Variants in ANKRD30B observed in about 807,000 individuals in gnomAD.
ANKRD30B encodes the protein ankyrin repeat domain 30B.
ANKRD30B carries 144 observed loss-of-function variants against 202.2 expected under a neutral mutation model. The observed-to-expected ratio is 0.71, with a 90% CI of 0.62 to 0.82. ANKRD30B has a LOEUF of 0.82. Ranked by LOEUF, ANKRD30B falls within the 40% of genes least tolerant of loss-of-function variation. The pLI, the probability that ANKRD30B is intolerant of heterozygous loss-of-function variation, is 0.00. For missense variants in ANKRD30B, 1,487 were observed against 1,669.1 expected (o/e 0.89, Z 1.90); for synonymous variants, 508 against 561.3 (o/e 0.91, Z 1.34).
chr18:14,860,041 A>G, the ANKRD30B span, among the ~76,000 whole-genome samples: 42 of 91,262 alleles, frequency 4.6e-4, no homozygotes, highest in East Asian at 1.3e-3. Context: ...CAACCCAGAC[A>G]GGGTGGCCGG....
chr18:14,842,653 G>T (rs1341430786), intron 37 of ANKRD30B, among the ~76,000 whole-genome samples: 1 of 152,224 alleles, frequency 6.6e-6, no homozygotes, highest in Non-Finnish European at 1.5e-5. Flanking sequence ...CATTTTGCAT[G>T]CACAACACAT....
In ANKRD30B at chr18:14,784,236, A is replaced by G. The variant is rs1967932770; in HGVS notation, c.1571-100A>G. On this transcript the variant is annotated intron_variant, in intron 12 of 43. Coordinates refer to ENST00000690538, the MANE Select transcript of ANKRD30B (RefSeq NM_001367607.2). Reference sequence around the variant, plus strand: ...CCAAATCTAAACTATTCATTCTCAAAGTCAACCAAGAGGACTCAGTTAGAT... The same window carrying G: ...CCAAATCTAAACTATTCATTCTCAAGGTCAACCAAGAGGACTCAGTTAGAT... 2.4e-6 allele frequency: 3 copies of G among 1,226,288 alleles called. No homozygotes were observed. In the Admixed American group the frequency reaches 6.6e-5, roughly 27 times the overall value. 76.0% of individuals were successfully genotyped at this position (1,226,288 alleles called of 1,614,324 possible).
the ANKRD30B span, among the ~76,000 whole-genome samples, chr18:14,861,863 CT>C: frequency 6.6e-5 from 10 of 152,172 alleles, no homozygotes; most frequent in South Asian, 6.2e-4. Context: ...GGAACATTCT[CT>C]AAAATTGACC....
the ANKRD30B span, among the ~76,000 whole-genome samples, chr18:14,925,687 C>T: frequency 6.6e-6 from 1 of 152,190 alleles, no homozygotes; most frequent in Admixed American, 6.5e-5. Flanking sequence ...CTGCTCACAG[C>T]CCAGATGGTG....
At chr18:14,826,363 G>T (rs1282538604) in intron 32 of ANKRD30B, among the ~76,000 whole-genome samples, 1 of 152,074 alleles carries the variant, frequency 6.6e-6, no homozygotes, top group African/African-American at 2.4e-5. Flanking sequence ...AAAGTCAATT[G>T]GATTTAACTT....
chr18:14,782,806 A>T (rs1449212968), intron 12 of ANKRD30B, among the ~76,000 whole-genome samples, 192 bp downstream of exon 12: 1 of 152,190 alleles, frequency 6.6e-6, no homozygotes, highest in Non-Finnish European at 1.5e-5. Context: ...CAAGAAAAAA[A>T]CCGAATTATT....
chr18:14,910,977 T>C, the ANKRD30B span, among the ~76,000 whole-genome samples: 1 of 152,188 alleles, frequency 6.6e-6, no homozygotes, highest in Admixed American at 6.5e-5. Flanking sequence ...GGTTTGTTTT[T>C]TTATTCTCAT....
At chr18:14,874,953 T>A in the ANKRD30B span, among the ~76,000 whole-genome samples, 4 of 152,212 alleles carry the variant, frequency 2.6e-5, no homozygotes, top group Non-Finnish European at 5.9e-5. Context: ...AGGCCGCTGA[T>A]GCTGGGAAGA....
intron 41 of ANKRD30B, 85 bp from the exon 42 acceptor site, chr18:14,851,424 C>T (rs1971879146): frequency 1.2e-5 from 17 of 1,365,638 alleles, no homozygotes; most frequent in Middle Eastern, 2.0e-4. Flanking sequence ...ATTGTATAAA[C>T]GTACAAGTTG....
At chr18:14,871,092 C>A in the ANKRD30B span, among the ~76,000 whole-genome samples, 31 of 85,168 alleles carry the variant, frequency 3.6e-4, no homozygotes, top group African/African-American at 1.3e-3. Flanking sequence ...CCCACCCTCA[C>A]CCGCACACCC....
the ANKRD30B span, among the ~76,000 whole-genome samples, chr18:14,877,343 G>A: frequency 3.9e-5 from 5 of 128,480 alleles, no homozygotes; most frequent in Admixed American, 7.7e-5. Context: ...ATGAATGAAT[G>A]AATGAATGAA....
rs753739077 is a variant in ANKRD30B at position 14,808,482 on chromosome 18, T to C, written c.2285-69T>C. On this transcript the variant is annotated intron_variant, in intron 24 of 43. Transcript: ENST00000690538. ...ATGAGGACTCATCTTCATATTCACA[T>C]TGTACGAATGCTTGGTAGGCTTTGT... 5 of 1,312,630 alleles carry C rather than the reference T, an allele frequency of 3.8e-6. No homozygotes were observed. In the Admixed American group the frequency reaches 5.1e-5, roughly 13 times the overall value. The allele number at this position is 1,312,630 out of a possible 1,614,324, so 81.3% of individuals were successfully genotyped here.
intron 40 of ANKRD30B, 129 bp downstream of exon 40, chr18:14,849,058 A>G (rs1901074672): frequency 1.8e-6 from 2 of 1,101,776 alleles, no homozygotes; most frequent in Non-Finnish European, 2.3e-6. Context: ...TAGAGTGTCA[A>G]ATTCTTTTAA....
intron 8 of ANKRD30B, among the ~76,000 whole-genome samples, chr18:14,769,616 G>T (rs1487279178): frequency 6.6e-6 from 1 of 152,188 alleles, no homozygotes; most frequent in Non-Finnish European, 1.5e-5. Flanking sequence ...TAGCTAAAAA[G>T]TAGCTGACCC....
chr18:14,830,645 G>A (rs1970875881), intron 33 of ANKRD30B, among the ~76,000 whole-genome samples: 1 of 152,114 alleles, frequency 6.6e-6, no homozygotes, highest in South Asian at 2.1e-4. Flanking sequence ...TAAGGGACAA[G>A]GTAACTGTAC....
the ANKRD30B span, among the ~76,000 whole-genome samples, chr18:14,888,450 T>C: frequency 6.4e-4 from 97 of 152,174 alleles, 1 homozygote; most frequent in African/African-American, 2.3e-3. Context: ...AACATCATGA[T>C]TGTACAACCA....
intron 4 of ANKRD30B, among the ~76,000 whole-genome samples, chr18:14,755,961 T>C (rs1914287486): frequency 6.6e-6 from 1 of 152,196 alleles, no homozygotes; most frequent in Non-Finnish European, 1.5e-5. Context: ...TAGTTCTAGA[T>C]CCCTGAGGAA....
At chr18:14,772,709 GTT>G (rs34769482) in intron 9 of ANKRD30B, among the ~76,000 whole-genome samples, 10,184 of 113,776 alleles carry the variant, frequency 0.09, 731 homozygotes, top group African/African-American at 0.23. Context: ...AGCATATAGG[GTT>G]TTTTTTTTTT....
Position 14,748,486 on chromosome 18 carries a change from G to A in ANKRD30B, c.67G>A (p.Glu23Lys), listed in dbSNP as rs1367075106. The A allele has an allele frequency of 6.5e-7, 1 of 1,548,166 alleles. No individual in the cohort carries two copies. Among genetic ancestry groups the A allele is most frequent in the South Asian group, 1.2e-5 (1 of 83,764 alleles). ...RGPEPPNPFS[E>K]RVYTEKDYGT... ...CCCGGAGCCCCCGAACCCCTTCAGC[G>A]AACGGGTCTACACTGAGAAGGACTA... Residue 23 changes from glutamate (E) to lysine (K), a missense_variant, in exon 1 of 44, where the codon GAA becomes AAA. Glu to Lys is a moderately conservative substitution (Grantham distance 56). Coordinates refer to ENST00000690538, the MANE Select transcript of ANKRD30B (RefSeq NM_001367607.2).
Sources: allele counts gnomAD v4.1 joint callset (sites outside exome capture counted in the v4.1 genomes callset), GRCh38; gene constraint gnomAD v4.1.1; transcripts MANE v1.5; gene names NCBI Gene and HGNC (gene_info 2026-07-23, HGNC 2026-07-21).